Variants in GRAMD1B observed in about 807,000 individuals in gnomAD.
GRAMD1B encodes the protein protein Aster-B.
In GRAMD1B, 37 loss-of-function variants were observed where a neutral mutation model predicts 99.7. That is an observed-to-expected ratio of 0.37 (90% confidence interval 0.29 to 0.49). The LOEUF (loss-of-function observed/expected upper bound fraction) is 0.49. Among genes scored for constraint, GRAMD1B ranks in the 20% least tolerant of loss-of-function variants. The probability of loss-of-function intolerance (pLI) is 0.98; values close to 1 mark genes in which losing one functional copy is unlikely to be tolerated. For synonymous variants in GRAMD1B, 427 were observed against 387.6 expected, an observed-to-expected ratio of 1.10 and a Z score of -1.19; for missense variants, 888 against 1,009.2, an observed-to-expected ratio of 0.88 and a Z score of 1.63.
chr11:123,494,352 T>G (rs1205745519), intron 2 of GRAMD1B, among the ~76,000 whole-genome samples: 2 of 152,170 alleles, frequency 1.3e-5, no homozygotes, highest in Admixed American at 6.5e-5. Context: ...CATGTTCCCC[T>G]TTCTCTGATC....
intron 1 of GRAMD1B, among the ~76,000 whole-genome samples, chr11:123,361,828 G>T (rs564877688): frequency 6.6e-6 from 1 of 152,310 alleles, no homozygotes; most frequent in South Asian, 2.1e-4. Flanking sequence ...CCAATAACAG[G>T]CAGGAGGAGT....
At chr11:123,449,725 T>TTTTTTTTTTTTTTTTTTTTTTTTTTG in intron 1 of GRAMD1B, among the ~76,000 whole-genome samples, 1 of 147,332 alleles carries the variant, frequency 6.8e-6, no homozygotes. Flanking sequence ...TTTTTTTTTT[T>TTTTTTTTTTTTTTTTTTTTTTTTTTG]TTTTTTGAGA....
At chr11:123,588,671 C>A (rs1051852935) in intron 4 of GRAMD1B, among the ~76,000 whole-genome samples, 7 of 152,164 alleles carry the variant, frequency 4.6e-5, no homozygotes, top group African/African-American at 1.4e-4. Context: ...GAAGTTTGCA[C>A]GTGTGCTGGG....
At chr11:123,548,236 C>T (rs1188479453) in intron 2 of GRAMD1B, among the ~76,000 whole-genome samples, 1 of 149,038 alleles carries the variant, frequency 6.7e-6, no homozygotes, top group Non-Finnish European at 1.5e-5. Flanking sequence ...TCTCTCCTGA[C>T]TTGTTCCCTT....
At chr11:123,475,928 C>T (rs531536056) in intron 1 of GRAMD1B, among the ~76,000 whole-genome samples, 3 of 152,094 alleles carry the variant, frequency 2.0e-5, no homozygotes, top group Admixed American at 1.3e-4. Context: ...TAGGGAGCAG[C>T]GTGAGTTGCC....
chr11:123,578,599 C>T (rs981376295), intron 3 of GRAMD1B, among the ~76,000 whole-genome samples: 1 of 152,126 alleles, frequency 6.6e-6, no homozygotes, highest in African/African-American at 2.4e-5. Flanking sequence ...GCTTGGAAGT[C>T]ATTGAAGGCC....
intron 14 of GRAMD1B, among the ~76,000 whole-genome samples, chr11:123,611,819 AG>A (rs1411641958): frequency 7.3e-6 from 1 of 136,334 alleles, no homozygotes; most frequent in Non-Finnish European, 1.6e-5. Context: ...ATCCCTGAGG[AG>A]GGGGATGAGG....
chr11:123,492,406 A>G lies in GRAMD1B; in HGVS notation c.452+11513A>G, dbSNP rs114261748. On this transcript the variant is annotated intron_variant, in intron 2 of 19. Transcript: ENST00000635736. This position sits in a 1 kb window ranked among gnomAD's most constrained non-coding sequence, Gnocchi z 4.2. ...GGGCCATTGCTGTGTGTTCATTTCT[A>G]TATCACCTCGTCGGGCACTTTGGTC... Among the ~76,000 whole-genome samples the G allele has an allele frequency of 4.0e-3, 610 of 152,090 alleles. No homozygotes were observed. The highest frequency in any genetic ancestry group is 0.014 in the African/African-American group (575 of 41,464).
At chr11:123,508,693 CT>C (rs973220017) in intron 2 of GRAMD1B, among the ~76,000 whole-genome samples, 72 of 147,060 alleles carry the variant, frequency 4.9e-4, no homozygotes, top group Non-Finnish European at 4.7e-4. Flanking sequence ...TCATTGCCTT[CT>C]TTTTTTTTTT....
chr11:123,460,213 A>G (rs978203091), intron 1 of GRAMD1B: 3 of 152,208 alleles, frequency 2.0e-5, no homozygotes, highest in African/African-American at 7.2e-5. Context: ...GTGTGGTATG[A>G]CAAGCTTATC....
At chr11:123,446,372 G>A (rs926239625) in intron 1 of GRAMD1B, among the ~76,000 whole-genome samples, 2 of 151,836 alleles carry the variant, frequency 1.3e-5, no homozygotes, top group Non-Finnish European at 2.9e-5. Flanking sequence ...CACCATGTTG[G>A]CCAGGCTAAT....
chr11:123,436,682 G>A (rs1037289699), intron 1 of GRAMD1B, among the ~76,000 whole-genome samples: 16 of 152,158 alleles, frequency 1.1e-4, no homozygotes, highest in African/African-American at 3.9e-4. Flanking sequence ...TGAAGGCCTG[G>A]AGTCTTGCTC....
At chr11:123,617,874 C>T (rs1043782625) in intron 17 of GRAMD1B, among the ~76,000 whole-genome samples, 1 of 149,386 alleles carries the variant, frequency 6.7e-6, no homozygotes, top group Non-Finnish European at 1.5e-5. Flanking sequence ...CACAGCCCCT[C>T]CAGCCCCTGG....
chr11:123,476,939 C>A (rs1293344697), intron 1 of GRAMD1B, among the ~76,000 whole-genome samples: 1 of 152,186 alleles, frequency 6.6e-6, no homozygotes, highest in Non-Finnish European at 1.5e-5. Flanking sequence ...TGAGAGTTAT[C>A]ATTTTTCTGC....
At position 123,430,902 on chromosome 11, in the gene GRAMD1B, C is replaced by G. The variant is rs776705939; in HGVS notation, c.110C>G (p.Thr37Arg). 8.5e-6 allele frequency: 6 copies of G among 702,524 alleles called. No individual in the cohort carries two copies. In the South Asian group the frequency reaches 8.9e-5, roughly 10 times the overall value. The allele number at this position is 702,524 out of a possible 1,614,324, so 43.5% of individuals were successfully genotyped here. Residue 37 changes from threonine to arginine, a missense_variant, in exon 1 of 20, where the codon ACG (threonine) becomes AGG (arginine). This residue lies in a region of GRAMD1B where 233 missense variants were observed against 154.6 expected (regional missense o/e 1.51). Coordinates refer to ENST00000635736, the MANE Select transcript of GRAMD1B (RefSeq NM_001387025.1). The stretch of plus-strand genomic sequence containing the variant: ...GTCTGGTCCAGTTCGTCGACCCCCA[C>G]GCTTCGCCGCCGGCGCTTCAAGATG... ...SPVWSSSSTP[T>R]LRRRRFKMRR...
chr11:123,600,121 C>T (rs909564411), intron 7 of GRAMD1B, among the ~76,000 whole-genome samples: 18 of 152,196 alleles, frequency 1.2e-4, no homozygotes, highest in African/African-American at 3.9e-4. Context: ...TTGTCTTGTC[C>T]TTCCATTTAG....
intron 12 of GRAMD1B, among the ~76,000 whole-genome samples, chr11:123,609,489 C>T (rs139381090): frequency 7.9e-4 from 121 of 152,324 alleles, no homozygotes; most frequent in Non-Finnish European, 1.0e-3. Flanking sequence ...CCTAGGCCCT[C>T]GCCACAGTAA....
At position 123,437,959 on chromosome 11, in the gene GRAMD1B, G is replaced by A. The variant is rs139051964; in HGVS notation, c.374+6793G>A. On this transcript the variant is annotated intron_variant, in intron 1 of 19. Coordinates refer to ENST00000635736, the MANE Select transcript of GRAMD1B (RefSeq NM_001387025.1). ...TGCCCTGCTACATATGAGAAGCACAGGAAGTGTGGGAGAGAGAAAACTCAT... is the reference window on the plus strand; with the variant it reads ...TGCCCTGCTACATATGAGAAGCACAAGAAGTGTGGGAGAGAGAAAACTCAT... Among the ~76,000 whole-genome samples, 21 of 152,286 alleles carry A rather than the reference G, an allele frequency of 1.4e-4. No individual in the cohort carries two copies. In the East Asian group the frequency reaches 3.5e-3, roughly 25 times the overall value.
At chr11:123,366,776 C>T (rs1034204865) in intron 1 of GRAMD1B, among the ~76,000 whole-genome samples, 5 of 152,212 alleles carry the variant, frequency 3.3e-5, no homozygotes, top group African/African-American at 9.6e-5. Context: ...ATTCTTTTCT[C>T]CTGGGGTATC....
Sources: allele counts gnomAD v4.1 joint callset (sites outside exome capture counted in the v4.1 genomes callset), GRCh38; gene constraint gnomAD v4.1.1; regional missense constraint gnomAD v4.1.1; non-coding constraint Gnocchi (gnomAD v3.1); transcripts MANE v1.5; gene names NCBI Gene and HGNC (gene_info 2026-07-23, HGNC 2026-07-21).